CRHR1: variants seen among roughly 807,000 people sequenced by gnomAD.
The protein encoded by CRHR1 is corticotropin releasing hormone receptor 1.
Under a neutral mutation model 56.0 loss-of-function variants are expected in CRHR1, and 28 were observed. That is an observed-to-expected ratio of 0.50 (90% CI 0.37 to 0.69). The LOEUF is 0.69. Among genes scored for constraint, CRHR1 ranks in the 30% least tolerant of loss-of-function variants. The pLI is 0.00. For missense variants in CRHR1, 376 were observed against 548.0 expected, an observed-to-expected ratio of 0.69 and a Z score of 3.13; for synonymous variants, 195 against 216.5, an observed-to-expected ratio of 0.90 and a Z score of 0.87.
chr17:45,822,266 T>G (rs1184389825), intron 4 of CRHR1, among the ~76,000 whole-genome samples: 5 of 152,250 alleles, frequency 3.3e-5, no homozygotes, highest in Non-Finnish European at 5.9e-5. Flanking sequence ...CAGTCTTTAT[T>G]CTCAGTCTTT....
chr17:45,823,470 C>T (rs1004205276), intron 4 of CRHR1, among the ~76,000 whole-genome samples: 26 of 143,546 alleles, frequency 1.8e-4, no homozygotes, highest in Non-Finnish European at 3.6e-4. Flanking sequence ...TGCTGTGGCG[C>T]GATGTCGGCT....
intron 2 of CRHR1, among the ~76,000 whole-genome samples, chr17:45,811,455 C>A (rs140603067): frequency 2.0e-4 from 30 of 152,316 alleles, no homozygotes; most frequent in Admixed American, 1.3e-3. Context: ...GATATAGGAC[C>A]GGTTTTTGCA....
intron 1 of CRHR1, among the ~76,000 whole-genome samples, chr17:45,798,323 C>T (rs1021355778): frequency 7.2e-5 from 11 of 151,970 alleles, no homozygotes; most frequent in Non-Finnish European, 1.5e-4. Context: ...GTCAGGAGTT[C>T]GAGACCAGCA....
At chr17:45,802,857 A>G (rs1247973240) in intron 1 of CRHR1, among the ~76,000 whole-genome samples, 1 of 152,222 alleles carries the variant, frequency 6.6e-6, no homozygotes, top group Non-Finnish European at 1.5e-5. Context: ...CAGGACATTA[A>G]GATGCGAGAA....
At chr17:45,813,172 G>A (rs941102061) in intron 2 of CRHR1, among the ~76,000 whole-genome samples, 4 of 152,208 alleles carry the variant, frequency 2.6e-5, no homozygotes, top group Non-Finnish European at 5.9e-5. Context: ...AAGTCCAGTG[G>A]ACAGTGCCAA....
intron 1 of CRHR1, chr17:45,800,366 C>T (rs1230952189): frequency 1.3e-5 from 2 of 152,248 alleles, no homozygotes; most frequent in Non-Finnish European, 2.9e-5. Context: ...CAGGTCCAGC[C>T]TGCGGGGCCT....
chr17:45,792,009 G>A (rs2061436155), intron 1 of CRHR1, among the ~76,000 whole-genome samples: 1 of 152,168 alleles, frequency 6.6e-6, no homozygotes, highest in Non-Finnish European at 1.5e-5. Context: ...TACGGCAGGT[G>A]TGCAATGCCA....
chr17:45,827,487 G>T (rs1298240662), intron 4 of CRHR1, among the ~76,000 whole-genome samples: 4 of 152,222 alleles, frequency 2.6e-5, no homozygotes, highest in African/African-American at 9.6e-5. Context: ...ATCTTCCAGA[G>T]CCTCCGGATT....
At chr17:45,816,667 G>A (rs557339452) in intron 3 of CRHR1, 85 bp downstream of exon 3, 9 of 1,588,546 alleles carry the variant, frequency 5.7e-6, no homozygotes, top group East Asian at 2.2e-5. Flanking sequence ...GAAGAATGAC[G>A]ATGACAATAA....
rs766278959 is a variant in CRHR1 at position 45,821,367 on chromosome 17, G to A, written c.254G>A (p.Arg85Gln). The change falls in exon 4 of 13, where the codon CGG (arginine) becomes CAG (glutamine). Residue 85 changes from arginine to glutamine, a missense_variant. By Grantham distance (43) the Arg-to-Gln change is conservative (BLOSUM62 1). Around this residue, in one of 2 missense-constraint regions of CRHR1, gnomAD observed 369 missense variants for 519.5 expected, o/e 0.71. Coordinates refer to ENST00000314537, the MANE Select transcript of CRHR1 (RefSeq NM_004382.5). ...CTTCCTTTTCCAGACAATGGCTACC[G>A]GGAGTGCCTGGCCAATGGCAGCTGG... ...VRYNTTNNGY[R>Q]ECLANGSWAA... The A allele has an allele frequency of 5.0e-6, 8 of 1,613,470 alleles. No homozygotes were observed. Among genetic ancestry groups the A allele is most frequent in the East Asian group, 2.2e-5 (1 of 44,890 alleles).
In CRHR1 at chr17:45,802,015, T is replaced by TG. The variant is rs1006455376; in HGVS notation, c.34-4995_34-4994insG. On this transcript the variant is annotated intron_variant, in intron 1 of 12. Transcript: ENST00000314537. Reference sequence around the variant, plus strand: ...GGTTAAGAATTCTCCGTGTTTTTTTTTTTGTTTGTTTTGTTTTTTGTTGTT... The same window carrying TG: ...GGTTAAGAATTCTCCGTGTTTTTTTTGTTTGTTTGTTTTGTTTTTTGTTGTT... 3.9e-5 allele frequency among the ~76,000 whole-genome samples: 6 copies of TG among 152,118 alleles called. No individual in the cohort carries two copies. In the East Asian group the frequency reaches 7.7e-4, roughly 20 times the overall value.
intron 1 of CRHR1, among the ~76,000 whole-genome samples, chr17:45,795,668 A>C (rs1025901404): frequency 1.3e-5 from 2 of 152,178 alleles, no homozygotes; most frequent in African/African-American, 4.8e-5. Flanking sequence ...GCATTTAAAA[A>C]ACATAAGGGT....
chr17:45,809,688 G>A (rs1385464280), intron 2 of CRHR1, among the ~76,000 whole-genome samples: 6 of 152,236 alleles, frequency 3.9e-5, no homozygotes, highest in African/African-American at 7.2e-5. Context: ...AGGGTGGGGC[G>A]GAGGGGCGAG....
chr17:45,822,636 A>C (rs1000269875), intron 4 of CRHR1, among the ~76,000 whole-genome samples: 1 of 152,204 alleles, frequency 6.6e-6, no homozygotes, highest in African/African-American at 2.4e-5. Context: ...AGATCTCCTG[A>C]GGTCAGGAGT....
At chr17:45,793,556 G>A (rs1412020939) in intron 1 of CRHR1, among the ~76,000 whole-genome samples, 3 of 152,238 alleles carry the variant, frequency 2.0e-5, no homozygotes, top group Non-Finnish European at 4.4e-5. Flanking sequence ...GTACCTTCGT[G>A]AGATCCCGTC....
At chr17:45,807,635 G>A (rs149700181) in intron 2 of CRHR1, among the ~76,000 whole-genome samples, 5 of 152,354 alleles carry the variant, frequency 3.3e-5, no homozygotes, top group South Asian at 4.1e-4. Context: ...CAGAGAACTA[G>A]TAAGCGCCAG....
chr17:45,802,201 T>TACA (rs1472753918), intron 1 of CRHR1, among the ~76,000 whole-genome samples: 3 of 152,146 alleles, frequency 2.0e-5, no homozygotes, highest in Non-Finnish European at 2.9e-5. Context: ...GGTGCAGGCC[T>TACA]GTAATCCCAG....
rs150416933 is a variant in CRHR1, at chr17:45,804,301, G to T, written c.34-2709G>T. 2.2e-3 allele frequency among the ~76,000 whole-genome samples: 336 copies of T among 152,236 alleles called. 1 individual carries two copies. Among genetic ancestry groups the T allele is most frequent in the East Asian group, 9.3e-3 (48 of 5,164 alleles). Reference sequence around the variant, plus strand: ...TTCAGAACCTGGAGCTTGGTCCAGGGCAGAGAGACCCCTATGAGAGTATCA... The same window carrying T: ...TTCAGAACCTGGAGCTTGGTCCAGGTCAGAGAGACCCCTATGAGAGTATCA... On this transcript the variant is annotated intron_variant, in intron 1 of 12. Transcript: ENST00000314537.
intron 1 of CRHR1, among the ~76,000 whole-genome samples, chr17:45,797,292 T>C (rs867773828): frequency 1.3e-4 from 18 of 139,156 alleles, no homozygotes; most frequent in South Asian, 4.8e-4. Context: ...TCTTTTTTTT[T>C]TTTTTTTTTT....
Sources: allele counts gnomAD v4.1 joint callset (sites outside exome capture counted in the v4.1 genomes callset), GRCh38; gene constraint gnomAD v4.1.1; regional missense constraint gnomAD v4.1.1; transcripts MANE v1.5; gene names NCBI Gene and HGNC (gene_info 2026-07-23, HGNC 2026-07-21).